The following LPP variants were observed in gnomAD, a reference collection of about 807,000 sequenced individuals.
LPP encodes the protein LIM domain containing preferred translocation partner in lipoma, also known as lipoma-preferred partner.
A neutral mutation model predicts 60.4 loss-of-function variants in LPP; 38 were observed. The ratio of observed to expected loss-of-function variants is 0.63; its 90% CI spans 0.49 to 0.83. LPP has a LOEUF of 0.83. LPP is among the 40% of genes least tolerant of loss of function. The probability of loss-of-function intolerance (pLI) is 0.00; values close to 1 mark genes in which losing one functional copy is unlikely to be tolerated. For synonymous variants in LPP, 328 were observed against 290.8 expected, an observed-to-expected ratio of 1.13 and a Z score of -1.30; for missense variants, 902 against 783.6, an observed-to-expected ratio of 1.15 and a Z score of -1.80.
chr3:188,318,553 CAT>C (rs1233364529), intron 2 of LPP, among the ~76,000 whole-genome samples: 1 of 152,008 alleles, frequency 6.6e-6, no homozygotes, highest in Admixed American at 6.6e-5. Flanking sequence ...AAACTCGGCT[CAT>C]ATAATTTCAG....
chr3:188,343,337 A>T (rs942826113), intron 3 of LPP, among the ~76,000 whole-genome samples: 1 of 152,232 alleles, frequency 6.6e-6, no homozygotes, highest in Non-Finnish European at 1.5e-5. Flanking sequence ...GTAGCAAAAA[A>T]TGTAAGAATG....
At chr3:188,155,697 C>CA (rs1489344422) in intron 1 of LPP, among the ~76,000 whole-genome samples, 10 of 152,124 alleles carry the variant, frequency 6.6e-5, no homozygotes, top group Non-Finnish European at 1.5e-4. Context: ...CAGTTCCTGC[C>CA]AGCACCAGGG....
At chr3:188,758,063 T>A (rs1471486065) in intron 8 of LPP, among the ~76,000 whole-genome samples, 2 of 152,138 alleles carry the variant, frequency 1.3e-5, no homozygotes, top group Non-Finnish European at 2.9e-5. Context: ...CAAAATTTTT[T>A]CATCAAATGT....
chr3:188,667,395 G>A (rs150347796), intron 7 of LPP, among the ~76,000 whole-genome samples: 19 of 151,656 alleles, frequency 1.3e-4, no homozygotes, highest in African/African-American at 3.4e-4. Context: ...GGAGAATGGC[G>A]TGAACCCCAG....
At chr3:188,717,741 A>C (rs534942293) in intron 8 of LPP, among the ~76,000 whole-genome samples, 1 of 152,362 alleles carries the variant, frequency 6.6e-6, no homozygotes, top group Non-Finnish European at 1.5e-5. Flanking sequence ...ACAGCACTAA[A>C]TAAATAATAA....
intron 2 of LPP, among the ~76,000 whole-genome samples, chr3:188,265,047 T>C (rs1367105715): frequency 6.6e-6 from 1 of 152,146 alleles, no homozygotes; most frequent in Non-Finnish European, 1.5e-5. Flanking sequence ...TTCCACCCAC[T>C]TTCTGACTCA....
chr3:188,671,161 C>T (rs1416090596), intron 7 of LPP, among the ~76,000 whole-genome samples: 2 of 152,124 alleles, frequency 1.3e-5, no homozygotes, highest in Non-Finnish European at 2.9e-5. Context: ...TTAATATCTA[C>T]CTTGGATTAT....
At chr3:188,686,407 C>A (rs1860735653) in intron 7 of LPP, among the ~76,000 whole-genome samples, 1 of 152,102 alleles carries the variant, frequency 6.6e-6, no homozygotes, top group Non-Finnish European at 1.5e-5. Context: ...CAACTCTTAC[C>A]CTATTAGCTG....
At chr3:188,405,344 T>C (rs1296658610) in intron 3 of LPP, among the ~76,000 whole-genome samples, 1 of 152,204 alleles carries the variant, frequency 6.6e-6, no homozygotes, top group Non-Finnish European at 1.5e-5. Flanking sequence ...CCTTAATGCC[T>C]GAAGAATAAA....
chr3:188,522,859 G>GTA (rs1251806523), intron 5 of LPP, among the ~76,000 whole-genome samples: 140 of 145,730 alleles, frequency 9.6e-4, no homozygotes, highest in South Asian at 5.2e-3. Flanking sequence ...GTGTATGTGT[G>GTA]TATATATATA....
At position 188,885,528 on chromosome 3, in the gene LPP, C is replaced by T. The variant is rs1039998187; in HGVS notation, c.*11049C>T. On this transcript the variant is annotated 3_prime_UTR_variant, in exon 12 of 12. Transcript: ENST00000617246. ...GTATATGTGCCACCTTTTCTTAATC[C>T]AGTCTATCATTGTTGGACATTTGGG... 4 of 178,596 alleles carry T rather than the reference C, an allele frequency of 2.2e-5. No homozygotes were observed. The highest frequency in any genetic ancestry group is 6.3e-5 in the Admixed American group (1 of 15,874). The allele number at this position is 178,596 out of a possible 1,614,324, so 11.1% of individuals were successfully genotyped here. A position where few individuals can be genotyped will look rare whatever the true frequency, so the allele number is the denominator to read the frequency against.
chr3:188,813,697 G>A (rs1417379957), intron 9 of LPP, among the ~76,000 whole-genome samples: 2 of 152,102 alleles, frequency 1.3e-5, no homozygotes, highest in Admixed American at 6.5e-5. Flanking sequence ...GATTATTACC[G>A]TTGCTGAGTT....
At chr3:188,397,015 G>A (rs1781110332) in intron 3 of LPP, among the ~76,000 whole-genome samples, 1 of 152,234 alleles carries the variant, frequency 6.6e-6, no homozygotes, top group South Asian at 2.1e-4. Context: ...ATGTGACCTG[G>A]AATGCAAGGT....
At chr3:188,241,420 C>T (rs1724775228) in intron 2 of LPP, among the ~76,000 whole-genome samples, 1 of 152,220 alleles carries the variant, frequency 6.6e-6, no homozygotes, top group Admixed American at 6.5e-5. Flanking sequence ...CGTTCCTCAT[C>T]TTTTTCTCTT....
Position 188,881,198 on chromosome 3 carries a change from T to G in LPP, c.*6719T>G, listed in dbSNP as rs1390842873. ...TTTTAAAGATCTGAATCTTCTCTGTTATTTTCCTGATGAATCACCATCCCA... is the reference window on the plus strand; with the variant it reads ...TTTTAAAGATCTGAATCTTCTCTGTGATTTTCCTGATGAATCACCATCCCA... On this transcript the variant is annotated 3_prime_UTR_variant, in exon 12 of 12. Coordinates refer to ENST00000617246, the MANE Select transcript of LPP (RefSeq NM_001375462.1). 5.7e-6 allele frequency: 1 copy of G among 174,932 alleles called. No homozygotes were observed. The highest frequency in any genetic ancestry group is 9.7e-5 in the East Asian group (1 of 10,320). The allele number at this position is 174,932 out of a possible 1,614,324, so 10.8% of individuals were successfully genotyped here.
intron 3 of LPP, among the ~76,000 whole-genome samples, chr3:188,388,956 G>A (rs1479832312): frequency 6.6e-6 from 1 of 152,076 alleles, no homozygotes; most frequent in Non-Finnish European, 1.5e-5. Context: ...AGAATATGTA[G>A]GTTTATAGGA....
At chr3:188,578,727 C>T (rs1835354335) in intron 6 of LPP, among the ~76,000 whole-genome samples, 2 of 151,950 alleles carry the variant, frequency 1.3e-5, no homozygotes, top group South Asian at 2.1e-4. Context: ...GTTCCTCATC[C>T]GTCCGACCCT....
chr3:188,170,357 G>T (rs1721232807), intron 1 of LPP, among the ~76,000 whole-genome samples: 1 of 130,536 alleles, frequency 7.7e-6, no homozygotes, highest in African/African-American at 2.9e-5. Flanking sequence ...TTGAGAGGGA[G>T]TCTCGCTCTA....
chr3:188,407,768 G>GTTTTTTTT (rs760058728), intron 4 of LPP, among the ~76,000 whole-genome samples: 6 of 61,312 alleles, frequency 9.8e-5, no homozygotes, highest in East Asian at 1.6e-3. Context: ...CTCATTTATG[G>GTTTTTTTT]TTTTTTTTTT....
Sources: gnomAD v4.1 joint callset for allele counts (sites outside exome capture counted in the v4.1 genomes callset) on GRCh38, gnomAD v4.1.1 for gene constraint, MANE v1.5 for transcripts, NCBI Gene and HGNC (gene_info 2026-07-23, HGNC 2026-07-21) for gene names.